CNTN4: variants seen among roughly 807,000 people sequenced by gnomAD.
The protein encoded by CNTN4 is contactin 4, also known as contactin-4.
A neutral mutation model predicts 122.5 loss-of-function variants in CNTN4; 77 were observed. That is an observed-to-expected ratio of 0.63 (90% CI 0.52 to 0.76). The LOEUF is 0.76. Ranked by LOEUF, CNTN4 falls within the 30% of genes least tolerant of loss-of-function variation. CNTN4 has a pLI of 0.00. For synonymous variants in CNTN4, 512 were observed against 447.0 expected (o/e 1.15, Z -1.83); for missense variants, 1,256 against 1,259.1 (o/e 1.00, Z 0.04).
At chr3:2,695,745 A>C (rs1183813698) in intron 4 of CNTN4, among the ~76,000 whole-genome samples, 1 of 152,214 alleles carries the variant, frequency 6.6e-6, no homozygotes, top group African/African-American at 2.4e-5. Flanking sequence ...AGAGATAAGC[A>C]ATGGGTACTG....
intron 3 of CNTN4, among the ~76,000 whole-genome samples, chr3:2,485,309 G>C (rs538716741): frequency 1.3e-5 from 2 of 152,352 alleles, no homozygotes; most frequent in Non-Finnish European, 1.5e-5. Context: ...GCGGTGGCAC[G>C]GGACTGGTGG....
At chr3:2,578,560 C>T (rs13090297) in intron 4 of CNTN4, among the ~76,000 whole-genome samples, 2 of 152,128 alleles carry the variant, frequency 1.3e-5, no homozygotes, top group African/African-American at 4.8e-5. Context: ...ATTCACAATT[C>T]TACCCATGTA....
At chr3:2,861,843 C>T (rs1231275714) in intron 7 of CNTN4, among the ~76,000 whole-genome samples, 1 of 152,162 alleles carries the variant, frequency 6.6e-6, no homozygotes, top group East Asian at 1.9e-4. Flanking sequence ...TGATGATCTA[C>T]ATATAGAATG....
intron 3 of CNTN4, among the ~76,000 whole-genome samples, chr3:2,340,706 T>TAGAGAGAGAGAGAGAGGGGG (rs1176854234): frequency 4.2e-5 from 1 of 24,058 alleles, no homozygotes; most frequent in East Asian, 1.8e-3. Flanking sequence ...TATATATATA[T>TAGAGAGAGAGAGAGAGGGGG]ATATAGAGAG....
At chr3:2,194,134 A>G (rs977934869) in intron 2 of CNTN4, among the ~76,000 whole-genome samples, 1 of 152,160 alleles carries the variant, frequency 6.6e-6, no homozygotes, top group African/African-American at 2.4e-5. Context: ...TGTCTGTCTC[A>G]AATGTTCAGG....
chr3:2,871,767 T>G (rs1022189888), intron 8 of CNTN4, among the ~76,000 whole-genome samples: 1 of 152,206 alleles, frequency 6.6e-6, no homozygotes, highest in African/African-American at 2.4e-5. Flanking sequence ...ATTTGCTTCG[T>G]TTCTTTTGCT....
At chr3:2,962,072 C>T (rs1477530288) in intron 13 of CNTN4, among the ~76,000 whole-genome samples, 2 of 152,186 alleles carry the variant, frequency 1.3e-5, no homozygotes. Flanking sequence ...AACCCCAAGA[C>T]TTATAGACTC....
In CNTN4 at chr3:2,949,846, G is replaced by A. The variant is rs565086403; in HGVS notation, c.1358+24067G>A. Among the ~76,000 whole-genome samples, 5 of 152,238 alleles carry A rather than the reference G, an allele frequency of 3.3e-5. No individual in the cohort carries two copies. In the South Asian group the frequency reaches 1.0e-3, roughly 32 times the overall value. On this transcript the variant is annotated intron_variant, in intron 13 of 24. Coordinates refer to ENST00000418658, the MANE Select transcript of CNTN4 (RefSeq NM_175607.3). ...AATACCCAAACCCTAACTGATATAG[G>A]CAAACAGATAGAACATCTTTAATTT...
At chr3:2,585,835 T>TA (rs2080175713) in intron 4 of CNTN4, among the ~76,000 whole-genome samples, 1 of 85,560 alleles carries the variant, frequency 1.2e-5, no homozygotes, top group Admixed American at 1.2e-4. Context: ...ACTTAAAGTA[T>TA]AATAAAAAAA....
At chr3:2,865,049 T>G (rs1386395971) in intron 7 of CNTN4, among the ~76,000 whole-genome samples, 1 of 152,158 alleles carries the variant, frequency 6.6e-6, no homozygotes, top group African/African-American at 2.4e-5. Flanking sequence ...CACAATGTAT[T>G]ATAGGGGCTT....
intron 12 of CNTN4, among the ~76,000 whole-genome samples, chr3:2,912,561 T>C (rs921317096): frequency 6.6e-6 from 1 of 152,138 alleles, no homozygotes; most frequent in African/African-American, 2.4e-5. Flanking sequence ...GGTACAAAAA[T>C]CACTTTTATA....
intron 3 of CNTN4, among the ~76,000 whole-genome samples, chr3:2,466,465 A>C (rs1006636291): frequency 6.6e-6 from 1 of 152,238 alleles, no homozygotes; most frequent in African/African-American, 2.4e-5. Flanking sequence ...CTGGGATTTC[A>C]AAATAAAAGA....
At chr3:2,440,115 AT>A (rs1219096270) in intron 3 of CNTN4, among the ~76,000 whole-genome samples, 3 of 152,186 alleles carry the variant, frequency 2.0e-5, no homozygotes, top group African/African-American at 2.4e-5. Flanking sequence ...GCATTCAGTC[AT>A]TTGTCCACTG....
intron 3 of CNTN4, among the ~76,000 whole-genome samples, chr3:2,490,191 C>T (rs547012246): frequency 1.3e-5 from 2 of 151,922 alleles, no homozygotes; most frequent in East Asian, 3.9e-4. Context: ...AACATCTGCA[C>T]CAGGGGCTTT....
chr3:2,429,475 G>A (rs1239132606), intron 3 of CNTN4, among the ~76,000 whole-genome samples: 3 of 152,204 alleles, frequency 2.0e-5, no homozygotes, highest in Non-Finnish European at 4.4e-5. Context: ...GGCCATATGA[G>A]GTGTCAGTCG....
chr3:2,177,692 GTA>G (rs2036818630), intron 2 of CNTN4, among the ~76,000 whole-genome samples: 1 of 137,744 alleles, frequency 7.3e-6, no homozygotes, highest in Admixed American at 7.3e-5. Context: ...GTGTGTGTGT[GTA>G]TCTCCAGGAA....
At chr3:2,491,041 GGTA>G (rs1428650616) in intron 3 of CNTN4, among the ~76,000 whole-genome samples, 1 of 152,148 alleles carries the variant, frequency 6.6e-6, no homozygotes, top group East Asian at 1.9e-4. Context: ...TTTCCAGGAG[GGTA>G]GAATCTTCTA....
chr3:2,473,526 A>T (rs1282312529), intron 3 of CNTN4, among the ~76,000 whole-genome samples: 1 of 152,226 alleles, frequency 6.6e-6, no homozygotes, highest in Non-Finnish European at 1.5e-5. Flanking sequence ...TTCGTAAATT[A>T]TACTACCCTT....
intron 2 of CNTN4, among the ~76,000 whole-genome samples, chr3:2,209,370 T>C (rs1299521892): frequency 2.0e-5 from 3 of 152,160 alleles, no homozygotes; most frequent in African/African-American, 7.2e-5. Context: ...GCTTGGGAAA[T>C]ATAATCAAGT....
Sources: gnomAD v4.1 joint callset for allele counts (sites outside exome capture counted in the v4.1 genomes callset) on GRCh38, gnomAD v4.1.1 for gene constraint, MANE v1.5 for transcripts, NCBI Gene and HGNC (gene_info 2026-07-23, HGNC 2026-07-21) for gene names.